FBXW4: variants seen among roughly 807,000 people sequenced by gnomAD.
FBXW4 encodes F-box and WD repeat domain containing 4.
Under a neutral mutation model 61.8 loss-of-function variants are expected in FBXW4, and 40 were observed. The ratio of observed to expected loss-of-function variants is 0.65; its 90% CI spans 0.50 to 0.84. The LOEUF (loss-of-function observed/expected upper bound fraction) is 0.84. FBXW4 is among the 40% of genes least tolerant of loss of function. The pLI is 0.00. For synonymous variants in FBXW4, 311 were observed against 313.8 expected (o/e 0.99, Z 0.10); for missense variants, 672 against 753.8 (o/e 0.89, Z 1.27).
At chr10:101,686,543 A>G (rs953996068) in intron 1 of FBXW4, among the ~76,000 whole-genome samples, 1 of 152,240 alleles carries the variant, frequency 6.6e-6, no homozygotes, top group Non-Finnish European at 1.5e-5. Context: ...TGAATTAGGC[A>G]CTAGCAGACT....
At chr10:101,664,637 A>T (rs577831302) in intron 5 of FBXW4, among the ~76,000 whole-genome samples, 1 of 152,346 alleles carries the variant, frequency 6.6e-6, no homozygotes, top group Non-Finnish European at 1.5e-5. Context: ...AAGAGCAGGG[A>T]AACTTCCTGG....
intron 1 of FBXW4, among the ~76,000 whole-genome samples, chr10:101,693,459 C>A (rs2064633490): frequency 6.6e-6 from 1 of 152,102 alleles, no homozygotes; most frequent in Non-Finnish European, 1.5e-5. Context: ...TTACTATGTA[C>A]CTATTCTGTT....
intron 5 of FBXW4, among the ~76,000 whole-genome samples, chr10:101,630,117 A>C (rs1275857532): frequency 1.3e-5 from 2 of 152,170 alleles, no homozygotes. Flanking sequence ...ACTGTTGGGT[A>C]AACTAATTTG....
chr10:101,612,273 T>G, intron 7 of FBXW4, 64 bp downstream of exon 7: 1 of 1,438,838 alleles, frequency 7.0e-7, no homozygotes, highest in Non-Finnish European at 9.2e-7. Flanking sequence ...AACCCAGGAC[T>G]GGAGGAAGGA....
chr10:101,646,484 C>G (rs565895179), intron 5 of FBXW4, among the ~76,000 whole-genome samples: 31 of 152,320 alleles, frequency 2.0e-4, no homozygotes, highest in African/African-American at 6.7e-4. Flanking sequence ...AGAGGAGATC[C>G]CTGGGCTCCA....
chr10:101,623,560 A>G (rs1469611740), intron 6 of FBXW4, among the ~76,000 whole-genome samples: 1 of 152,212 alleles, frequency 6.6e-6, no homozygotes, highest in Non-Finnish European at 1.5e-5. Context: ...CACTTACCAA[A>G]CAACACAGCA....
chr10:101,672,321 G>A (rs967346918), intron 4 of FBXW4, among the ~76,000 whole-genome samples: 1 of 152,222 alleles, frequency 6.6e-6, no homozygotes, highest in Non-Finnish European at 1.5e-5. Context: ...AGATGTGGAT[G>A]AGTCCATGAA....
chr10:101,640,562 G>T (rs185146449), intron 5 of FBXW4, among the ~76,000 whole-genome samples: 1 of 125,718 alleles, frequency 8.0e-6, no homozygotes, highest in Admixed American at 1.1e-4. Context: ...CATGATCTTG[G>T]CTCACTGCAA....
chr10:101,657,228 G>T (rs893072965), intron 5 of FBXW4, among the ~76,000 whole-genome samples: 2 of 152,162 alleles, frequency 1.3e-5, no homozygotes, highest in African/African-American at 4.8e-5. Context: ...ATGAGGCAAG[G>T]GTCTTGGGTA....
rs914643431 is a variant in FBXW4 at position 101,637,517 on chromosome 10, G to C, written c.1236-12707C>G. 4.8e-4 allele frequency among the ~76,000 whole-genome samples: 73 copies of C among 151,436 alleles called. 1 individual carries two copies. Among genetic ancestry groups the C allele is most frequent in the Non-Finnish European group, 8.2e-4 (56 of 67,884 alleles). ...GAGGCTAGGAGTTCAAGACCAGTGT[G>C]GCCAACATGGTGAAACCCCATCTCT... On this transcript the variant is annotated intron_variant, in intron 5 of 8. Coordinates refer to ENST00000331272, the MANE Select transcript of FBXW4 (RefSeq NM_022039.4).
At chr10:101,617,825 CAAG>C in intron 6 of FBXW4, among the ~76,000 whole-genome samples, 1 of 149,778 alleles carries the variant, frequency 6.7e-6, no homozygotes, top group South Asian at 2.1e-4. Flanking sequence ...ACAGAGGAGA[CAAG>C]AAAGAAAAAG....
intron 5 of FBXW4, among the ~76,000 whole-genome samples, chr10:101,649,066 GA>G (rs1259077165): frequency 6.6e-6 from 1 of 152,082 alleles, no homozygotes; most frequent in Non-Finnish European, 1.5e-5. Context: ...ATTTTTAAAG[GA>G]AAAAAGGCAG....
At chr10:101,624,479 C>T (rs2134817277) in intron 6 of FBXW4, among the ~76,000 whole-genome samples, 1 of 152,340 alleles carries the variant, frequency 6.6e-6, no homozygotes, top group Middle Eastern at 3.4e-3. Flanking sequence ...ATAGGCATTC[C>T]TCAGAGAAAG....
chr10:101,676,371 C>T lies in FBXW4; in HGVS notation c.791G>A (p.Arg264Gln), dbSNP rs774390490. 23 of 1,613,596 alleles carry T rather than the reference C, an allele frequency of 1.4e-5. No homozygotes were observed. The highest frequency in any genetic ancestry group is 3.3e-5 in the South Asian group (3 of 90,972). Residue 264 changes from arginine to glutamine, a missense_variant, in exon 2 of 9, where the codon CGA becomes CAA. Physicochemically the swap from Arg to Gln is conservative, Grantham distance 43. Transcript: ENST00000331272. The stretch of plus-strand genomic sequence containing the variant: ...TCTCCACTTCAGCAGAATCCCCTCT[C>T]GGCAGCGCCCCAGTCTCCAGTTCTG... ...VSQNWRLGRC[R>Q]EGILLKWRCS...
intron 6 of FBXW4, among the ~76,000 whole-genome samples, chr10:101,616,881 A>G (rs956377025): frequency 9.2e-5 from 14 of 152,254 alleles, no homozygotes; most frequent in Non-Finnish European, 1.5e-4. Flanking sequence ...AGAGTCACAG[A>G]CAAAAAGTGA....
Position 101,694,797 on chromosome 10 carries a change from CTCGACTCCCTTG to C in FBXW4, c.297_308del (p.Lys100_Glu103del). On this transcript the variant is annotated inframe_deletion, in exon 1 of 9. Transcript: ENST00000331272. This position sits in a 1 kb window ranked among gnomAD's most constrained non-coding sequence, Gnocchi z 6.0. The stretch of plus-strand genomic sequence containing the variant: ...CCTCCTTCCCGGCCCCTGCGCTCCC[CTCGACTCCCTTG>C]ACGATGCCTCTCGCCCCTTCCTCCA... 1 of 1,339,196 alleles carries C rather than the reference CTCGACTCCCTTG, an allele frequency of 7.5e-7. No individual in the cohort carries two copies. The highest frequency in any genetic ancestry group is 9.5e-7 in the Non-Finnish European group (1 of 1,051,490). The allele number at this position is 1,339,196 out of a possible 1,614,324, so 83.0% of individuals were successfully genotyped here. A position where few individuals can be genotyped will look rare whatever the true frequency, so the allele number is the denominator to read the frequency against.
At chr10:101,637,256 G>T (rs1288462862) in intron 5 of FBXW4, among the ~76,000 whole-genome samples, 1 of 150,476 alleles carries the variant, frequency 6.6e-6, no homozygotes, top group African/African-American at 2.4e-5. Context: ...GCTGGGCGTG[G>T]TGGTGGGCAC....
intron 4 of FBXW4, among the ~76,000 whole-genome samples, chr10:101,670,283 C>A (rs1242597145): frequency 6.6e-6 from 1 of 152,196 alleles, no homozygotes; most frequent in East Asian, 1.9e-4. Flanking sequence ...GATTTGAACC[C>A]CAGTTGCTAC....
At chr10:101,672,803 T>C in intron 4 of FBXW4, 112 bp downstream of exon 4, 2 of 1,328,834 alleles carry the variant, frequency 1.5e-6, no homozygotes, top group Non-Finnish European at 2.0e-6. Flanking sequence ...TGTGTCGTTT[T>C]CTCCCCTGTC....
Sources: allele counts gnomAD v4.1 joint callset (sites outside exome capture counted in the v4.1 genomes callset), GRCh38; gene constraint gnomAD v4.1.1; non-coding constraint Gnocchi (gnomAD v3.1); transcripts MANE v1.5; gene names NCBI Gene and HGNC (gene_info 2026-07-23, HGNC 2026-07-21).